The following HDAC8 variants were observed in gnomAD, a reference collection of about 807,000 sequenced individuals.
HDAC8 encodes histone deacetylase-like 1.
In HDAC8, 1 loss-of-function variant was observed where a neutral mutation model predicts 32.2. The ratio of observed to expected loss-of-function variants is 0.03; its 90% confidence interval spans 0.01 to 0.15. The LOEUF (loss-of-function observed/expected upper bound fraction) is 0.15, where lower values mean the gene tolerates loss of function less well. Among genes scored for constraint, HDAC8 ranks in the 10% least tolerant of loss-of-function variants. The pLI is 1.00. For synonymous variants in HDAC8, 108 were observed against 113.9 expected, an observed-to-expected ratio of 0.95 and a Z score of 0.33; for missense variants, 117 against 300.0, an observed-to-expected ratio of 0.39 and a Z score of 4.51.
chrX:72,423,484 T>G (rs1555974393), intron 9 of HDAC8, among the ~76,000 whole-genome samples: 3 of 111,900 alleles, frequency 2.7e-5, no homozygotes, highest in Non-Finnish European at 5.6e-5. Flanking sequence ...CTAGATTCAG[T>G]CTCACCACAA....
intron 4 of HDAC8, among the ~76,000 whole-genome samples, chrX:72,509,098 CTT>C (rs2049485163): frequency 9.3e-6 from 1 of 107,282 alleles, no homozygotes. Flanking sequence ...GATCTACCCT[CTT>C]ATCAATTTTT....
At chrX:72,557,428 A>C (rs1210499156) in intron 4 of HDAC8, among the ~76,000 whole-genome samples, 1 of 111,671 alleles carries the variant, frequency 9.0e-6, no homozygotes, top group Non-Finnish European at 1.9e-5. Flanking sequence ...GCACCCTCAA[A>C]ACCATGCAAA....
At chrX:72,540,209 G>A (rs781804068) in intron 4 of HDAC8, among the ~76,000 whole-genome samples, 1 of 112,622 alleles carries the variant, frequency 8.9e-6, no homozygotes, top group Non-Finnish European at 1.9e-5. Flanking sequence ...TATCAGCCAG[G>A]TTATGAACTC....
At position 72,572,336 on chromosome X, in the gene HDAC8, A is replaced by C. The variant is rs782338271; in HGVS notation, c.112-227T>G. 15 of 416,286 alleles carry C rather than the reference A, an allele frequency of 3.6e-5. No homozygotes were observed. The South Asian group carries it at 6.6e-4, about 18-fold the overall frequency. 34.3% of individuals were successfully genotyped at this position (416,286 alleles called of 1,213,427 possible). ...TACCGGGCCTTAGGCAGGTGATGGA[A>C]CACCTTCCCCCTGCAGCTTGTTTTC... On this transcript the variant is annotated intron_variant, in intron 1 of 10. Transcript: ENST00000373573.
At chrX:72,477,817 T>C (rs2048380510) in intron 7 of HDAC8, among the ~76,000 whole-genome samples, 2 of 112,740 alleles carry the variant, frequency 1.8e-5, no homozygotes, top group Admixed American at 9.3e-5. Flanking sequence ...TGTTAGAGTG[T>C]CTGGTGGATC....
chrX:72,459,959 T>C (rs1161704012), intron 9 of HDAC8, among the ~76,000 whole-genome samples: 1 of 111,859 alleles, frequency 8.9e-6, no homozygotes, highest in Non-Finnish European at 1.9e-5. Flanking sequence ...ATTGTACCTG[T>C]AAGACTGTCA....
intron 9 of HDAC8, among the ~76,000 whole-genome samples, chrX:72,416,237 G>A (rs782641356): frequency 9.2e-6 from 1 of 108,971 alleles, no homozygotes; most frequent in Non-Finnish European, 1.9e-5. Context: ...AAATTATTTC[G>A]TATTTGGTGA....
In HDAC8 at chrX:72,473,936, T is replaced by C. The variant is rs190458445; in HGVS notation, c.738-9205A>G. ...CCAGGTTTCCAATCTTCTTTGCAACTTCTCCTCCATGCACTTTACAGTCCA... is the reference window on the plus strand; with the variant it reads ...CCAGGTTTCCAATCTTCTTTGCAACCTCTCCTCCATGCACTTTACAGTCCA... On this transcript the variant is annotated intron_variant, in intron 7 of 10. Transcript: ENST00000373573. 2.9e-4 allele frequency: 206 copies of C among 712,011 alleles called. 2 individuals carry two copies. In the African/African-American group the frequency reaches 4.3e-3, roughly 15 times the overall value. The allele number at this position is 712,011 out of a possible 1,213,427, so 58.7% of individuals were successfully genotyped here.
intron 8 of HDAC8, 61 bp from the exon 9 acceptor site, chrX:72,462,159 AG>A: frequency 5.8e-6 from 5 of 861,624 alleles, no homozygotes; most frequent in Non-Finnish European, 8.5e-6. Context: ...AGGAGAGGGA[AG>A]GGGGGTAAGG....
intron 9 of HDAC8, among the ~76,000 whole-genome samples, chrX:72,388,325 G>A (rs782566777): frequency 1.0e-4 from 11 of 109,572 alleles, no homozygotes; most frequent in Non-Finnish European, 1.9e-4. Context: ...TACCAGTCTA[G>A]ATGCGCTGAT....
intron 9 of HDAC8, among the ~76,000 whole-genome samples, chrX:72,459,115 T>C (rs782252340): frequency 3.3e-4 from 37 of 111,674 alleles, no homozygotes; most frequent in African/African-American, 1.2e-3. Flanking sequence ...TTGAAACATA[T>C]CCCCTATGGT....
At chrX:72,388,217 T>A (rs2066459292) in intron 9 of HDAC8, among the ~76,000 whole-genome samples, 1 of 110,408 alleles carries the variant, frequency 9.1e-6, no homozygotes. Context: ...TGTGTGTGTG[T>A]GTTTGTGTAT....
At chrX:72,544,527 T>G (rs782510947) in intron 4 of HDAC8, among the ~76,000 whole-genome samples, 1 of 111,574 alleles carries the variant, frequency 9.0e-6, no homozygotes, top group East Asian at 2.8e-4. Context: ...GTTTTCAATC[T>G]TCCTAGGAGA....
chrX:72,453,480 G>T (rs1295112799), intron 9 of HDAC8, among the ~76,000 whole-genome samples: 2 of 99,835 alleles, frequency 2.0e-5, no homozygotes, highest in African/African-American at 7.5e-5. Context: ...AAGAAAGAAA[G>T]AAAGAAAGAA....
chrX:72,441,001 C>G (rs2047122222), intron 9 of HDAC8, among the ~76,000 whole-genome samples: 1 of 113,134 alleles, frequency 8.8e-6, no homozygotes, highest in African/African-American at 3.2e-5. Flanking sequence ...CGCCATTGCC[C>G]AGGCTTGCTT....
Position 72,481,223 on chromosome X carries a change from A to G in HDAC8, c.737+7710T>C, listed in dbSNP as rs1024944749. Among the ~76,000 whole-genome samples, 9 of 110,950 alleles carry G rather than the reference A, an allele frequency of 8.1e-5. No individual in the cohort carries two copies. The Admixed American group carries it at 8.6e-4, about 11-fold the overall frequency. The stretch of plus-strand genomic sequence containing the variant: ...AGGGGGGAAAGCCCCTTATAAAACT[A>G]TCAGATCTCATGAGAACTCACTATC... On this transcript the variant is annotated intron_variant, in intron 7 of 10. Coordinates refer to ENST00000373573, the MANE Select transcript of HDAC8 (RefSeq NM_018486.3).
rs185634424 is a variant in HDAC8 at position 72,491,372 on chromosome X, C to G, written c.551-366G>C. Reference sequence around the variant, plus strand: ...TATCAACAGAATTGAATAAGGGAAACTGGAACCATCTTACAAGTTGTATGT... The same window carrying G: ...TATCAACAGAATTGAATAAGGGAAAGTGGAACCATCTTACAAGTTGTATGT... On this transcript the variant is annotated intron_variant, in intron 5 of 10. Coordinates refer to ENST00000373573, the MANE Select transcript of HDAC8 (RefSeq NM_018486.3). 1.5e-3 allele frequency among the ~76,000 whole-genome samples: 171 copies of G among 112,208 alleles called. 1 individual carries two copies. The highest frequency in any genetic ancestry group is 1.6e-3 in the Non-Finnish European group (84 of 53,213).
intron 10 of HDAC8, among the ~76,000 whole-genome samples, chrX:72,346,348 A>C (rs1349327079): frequency 8.9e-6 from 1 of 112,136 alleles, no homozygotes; most frequent in Non-Finnish European, 1.9e-5. Flanking sequence ...CCTACCTTTC[A>C]ACTTATCCTC....
intron 8 of HDAC8, among the ~76,000 whole-genome samples, chrX:72,463,125 T>G (rs1330757936): frequency 9.0e-6 from 1 of 111,356 alleles, no homozygotes; most frequent in Admixed American, 9.6e-5. Flanking sequence ...AATTGTGTGT[T>G]AATAGGGCTG....
Sources: allele counts gnomAD v4.1 joint callset (sites outside exome capture counted in the v4.1 genomes callset), GRCh38; gene constraint gnomAD v4.1.1; transcripts MANE v1.5; gene names NCBI Gene and HGNC (gene_info 2026-07-23, HGNC 2026-07-21).